GRM7: variants seen among roughly 807,000 people sequenced by gnomAD.
GRM7 encodes the protein glutamate metabotropic receptor 7, also known as metabotropic glutamate receptor 7.
Under a neutral mutation model 84.5 loss-of-function variants are expected in GRM7, and 35 were observed. The ratio of observed to expected loss-of-function variants is 0.41; its 90% CI spans 0.32 to 0.55. The LOEUF is 0.55. GRM7 is among the 20% of genes least tolerant of loss of function. The probability of loss-of-function intolerance (pLI) is 0.19; values close to 1 mark genes in which losing one functional copy is unlikely to be tolerated. For synonymous variants in GRM7, 487 were observed against 455.1 expected (o/e 1.07, Z -0.89); for missense variants, 1,003 against 1,194.6 (o/e 0.84, Z 2.36).
chr3:7,454,090 ACTCTCTCTCT>A (rs58338960), intron 6 of GRM7, among the ~76,000 whole-genome samples: 172 of 140,192 alleles, frequency 1.2e-3, no homozygotes, highest in African/African-American at 4.1e-3. Context: ...CTACACACAC[ACTCTCTCTCT>A]CTCTCTCTCT....
At chr3:7,503,071 T>G (rs1362727415) in intron 7 of GRM7, among the ~76,000 whole-genome samples, 3 of 152,164 alleles carry the variant, frequency 2.0e-5, no homozygotes, top group Non-Finnish European at 4.4e-5. Context: ...CTATACTGTG[T>G]CTACTTACAA....
chr3:6,941,408 A>C (rs1697889087), intron 1 of GRM7, among the ~76,000 whole-genome samples: 1 of 152,238 alleles, frequency 6.6e-6, no homozygotes, highest in African/African-American at 2.4e-5. Flanking sequence ...TCTTTTATTC[A>C]AAACAATCAG....
intron 7 of GRM7, among the ~76,000 whole-genome samples, chr3:7,515,127 G>A (rs2124982141): frequency 6.7e-6 from 1 of 149,976 alleles, no homozygotes; most frequent in Admixed American, 6.7e-5. Flanking sequence ...ACACTTGAGA[G>A]CCCCTGTTAC....
intron 4 of GRM7, among the ~76,000 whole-genome samples, chr3:7,406,003 G>T: frequency 6.6e-6 from 1 of 151,728 alleles, no homozygotes; most frequent in East Asian, 1.9e-4. Context: ...TACTATCAAA[G>T]TATTTTTAAC....
intron 9 of GRM7, among the ~76,000 whole-genome samples, chr3:7,712,293 G>T (rs985292576): frequency 6.6e-6 from 1 of 152,170 alleles, no homozygotes; most frequent in Admixed American, 6.5e-5. Flanking sequence ...TGAAGTATAT[G>T]CCATAGATAC....
At chr3:7,043,882 G>A (rs1365164912) in intron 1 of GRM7, among the ~76,000 whole-genome samples, 1 of 152,140 alleles carries the variant, frequency 6.6e-6, no homozygotes, top group African/African-American at 2.4e-5. Context: ...GTCTCACTGT[G>A]TTGCCCAGGC....
At chr3:6,881,139 A>G (rs555592446) in intron 1 of GRM7, among the ~76,000 whole-genome samples, 3 of 152,030 alleles carry the variant, frequency 2.0e-5, no homozygotes, top group African/African-American at 7.2e-5. Context: ...TTTTCTTTTA[A>G]TTTTTATTTT....
intron 9 of GRM7, among the ~76,000 whole-genome samples, chr3:7,718,606 C>A (rs1701841061): frequency 6.6e-6 from 1 of 152,072 alleles, no homozygotes; most frequent in Non-Finnish European, 1.5e-5. Context: ...ACCAAGAGTA[C>A]AATCAGACAT....
At chr3:7,122,442 T>C (rs1437990924) in intron 1 of GRM7, among the ~76,000 whole-genome samples, 1 of 152,330 alleles carries the variant, frequency 6.6e-6, no homozygotes, top group African/African-American at 2.4e-5. Context: ...TAAGAAACCC[T>C]AATTCTGAAA....
At chr3:7,525,045 C>T (rs1179092264) in intron 7 of GRM7, among the ~76,000 whole-genome samples, 1 of 149,070 alleles carries the variant, frequency 6.7e-6, no homozygotes, top group Non-Finnish European at 1.5e-5. Flanking sequence ...TGTTCTCACT[C>T]ATAGATGGGA....
chr3:7,690,944 C>T (rs541843736), intron 9 of GRM7: 9 of 302,946 alleles, frequency 3.0e-5, no homozygotes, highest in Non-Finnish European at 4.6e-5. Context: ...TCTTTCTTTC[C>T]CCCAATCATT....
In GRM7 at chr3:7,399,185, T is replaced by C. The variant is rs935570094; in HGVS notation, c.1034-15838T>C. Among the ~76,000 whole-genome samples the C allele has an allele frequency of 1.0e-4, 5 of 49,182 alleles. 1 individual carries two copies. The highest frequency in any genetic ancestry group is 3.5e-4 in the African/African-American group (5 of 14,374). The allele number at this position is 49,182 out of a possible 152,430, so 32.3% of individuals were successfully genotyped here. A position where few individuals can be genotyped will look rare whatever the true frequency, so the allele number is the denominator to read the frequency against. ...ATTTAAAAAACAACAAGAACAATAA[T>C]AATAATAATAATAATAATAATAATA... On this transcript the variant is annotated intron_variant, in intron 4 of 9. Coordinates refer to ENST00000357716, the MANE Select transcript of GRM7 (RefSeq NM_000844.4).
In GRM7 at chr3:7,546,569, C is replaced by T. The variant is rs1199626723; in HGVS notation, c.1516-31853C>T. On this transcript the variant is annotated intron_variant, in intron 7 of 9. Transcript: ENST00000357716. ...AAGCAAGTGAAAAACAAAGCCTTCT[C>T]CTGACCTTGGCTTGCCCAAGAGAAT... 9.2e-5 allele frequency among the ~76,000 whole-genome samples: 14 copies of T among 152,256 alleles called. No individual in the cohort carries two copies. The South Asian group carries it at 1.7e-3, about 18-fold the overall frequency.
At chr3:6,953,037 G>A (rs950459789) in intron 1 of GRM7, among the ~76,000 whole-genome samples, 3 of 152,308 alleles carry the variant, frequency 2.0e-5, no homozygotes, top group South Asian at 2.1e-4. Context: ...ATGAGCTGGT[G>A]TAACAACAGT....
At chr3:7,286,027 G>A (rs1699419152) in intron 2 of GRM7, among the ~76,000 whole-genome samples, 1 of 152,084 alleles carries the variant, frequency 6.6e-6, no homozygotes, top group African/African-American at 2.4e-5. Flanking sequence ...TTAACTCACA[G>A]CATTGTCAAA....
chr3:7,573,702 T>C (rs1267848620), intron 7 of GRM7, among the ~76,000 whole-genome samples: 2 of 152,244 alleles, frequency 1.3e-5, no homozygotes, highest in African/African-American at 2.4e-5. Flanking sequence ...GCTTTTTCTC[T>C]GTTTCTGTCT....
At chr3:7,219,142 G>A (rs1479514896) in intron 2 of GRM7, among the ~76,000 whole-genome samples, 3 of 152,110 alleles carry the variant, frequency 2.0e-5, no homozygotes, top group Non-Finnish European at 2.9e-5. Context: ...TACAGTGTGA[G>A]GAGATGCTTT....
At chr3:6,960,247 T>A (rs961365933) in intron 1 of GRM7, among the ~76,000 whole-genome samples, 3 of 152,192 alleles carry the variant, frequency 2.0e-5, no homozygotes, top group Non-Finnish European at 2.9e-5. Flanking sequence ...TTCTTCTTTG[T>A]ATTTCACTGT....
intron 2 of GRM7, among the ~76,000 whole-genome samples, chr3:7,190,918 C>T (rs575936996): frequency 1.6e-4 from 25 of 152,190 alleles, no homozygotes; most frequent in Admixed American, 8.5e-4. Context: ...CCATTTCCCA[C>T]AGTACTACTA....
Sources: gnomAD v4.1 joint callset for allele counts (sites outside exome capture counted in the v4.1 genomes callset) on GRCh38, gnomAD v4.1.1 for gene constraint, MANE v1.5 for transcripts, NCBI Gene and HGNC (gene_info 2026-07-23, HGNC 2026-07-21) for gene names.